ELK3: variants seen among roughly 807,000 people sequenced by gnomAD.
The protein encoded by ELK3 is ETS transcription factor ELK3.
ELK3 carries 10 observed loss-of-function variants against 28.9 expected under a neutral mutation model. That is an observed-to-expected ratio of 0.35 (90% CI 0.21 to 0.59). ELK3 has a LOEUF of 0.59. ELK3 is among the 20% of genes least tolerant of loss of function. ELK3 has a pLI of 0.82. For synonymous variants in ELK3, 272 were observed against 243.5 expected (o/e 1.12, Z -1.09); for missense variants, 463 against 517.3 (o/e 0.90, Z 1.02).
chr12:96,235,486 GGAAACAAGCAT>G (rs1324816110), intron 2 of ELK3, among the ~76,000 whole-genome samples: 1 of 152,172 alleles, frequency 6.6e-6, no homozygotes, highest in African/African-American at 2.4e-5. Flanking sequence ...GGAATGAGTA[GGAAACAAGCAT>G]CCTTCTCCAT....
At chr12:96,210,565 G>A (rs7954136) in intron 1 of ELK3, among the ~76,000 whole-genome samples, 120,665 of 146,194 alleles carry the variant, frequency 0.83, 49,568 homozygotes, top group South Asian at 0.88. Context: ...GCGGGCGCAC[G>A]CACACACACA....
intron 3 of ELK3, among the ~76,000 whole-genome samples, chr12:96,257,485 G>A (rs1951959537): frequency 6.6e-6 from 1 of 152,200 alleles, no homozygotes; most frequent in South Asian, 2.1e-4. Flanking sequence ...TTAGACCAGA[G>A]AAATAGAAAT....
intron 1 of ELK3, among the ~76,000 whole-genome samples, chr12:96,211,150 C>CTGG (rs1951575665): frequency 6.6e-6 from 1 of 152,128 alleles, no homozygotes; most frequent in Non-Finnish European, 1.5e-5. Flanking sequence ...AGCACAATTC[C>CTGG]TGGTACATAG....
At chr12:96,244,447 ATTTTTT>A (rs34067649) in intron 2 of ELK3, among the ~76,000 whole-genome samples, 1 of 139,608 alleles carries the variant, frequency 7.2e-6, no homozygotes, top group African/African-American at 2.6e-5. Flanking sequence ...GAAAATTAGA[ATTTTTT>A]TTTTTTTTTT....
chr12:96,218,328 A>G (rs1325178744), intron 1 of ELK3, among the ~76,000 whole-genome samples: 2 of 152,252 alleles, frequency 1.3e-5, no homozygotes, highest in African/African-American at 4.8e-5. Flanking sequence ...TGCCTTTAAA[A>G]GCAGACTGAT....
rs113615333 is a variant in ELK3, at chr12:96,266,041, T to C, written c.1126-1041T>C. Among the ~76,000 whole-genome samples the C allele has an allele frequency of 4.3e-3, 661 of 152,360 alleles. 2 individuals are homozygous for C. Among genetic ancestry groups the C allele is most frequent in the Non-Finnish European group, 7.7e-3 (527 of 68,038 alleles). ...TGTGTGACCTTTAGCCAACAGAACTTATTTGAAATCTGTTTTCTCATCTGT... is the reference window on the plus strand; with the variant it reads ...TGTGTGACCTTTAGCCAACAGAACTCATTTGAAATCTGTTTTCTCATCTGT... On this transcript the variant is annotated intron_variant, in intron 4 of 4. Coordinates refer to ENST00000228741, the MANE Select transcript of ELK3 (RefSeq NM_005230.4).
chr12:96,202,355 AT>A (rs1054265545), intron 1 of ELK3, among the ~76,000 whole-genome samples: 4 of 151,940 alleles, frequency 2.6e-5, no homozygotes, highest in Non-Finnish European at 4.4e-5. Flanking sequence ...TACTGACAGA[AT>A]TTTCCCCCCG....
intron 1 of ELK3, among the ~76,000 whole-genome samples, chr12:96,213,394 A>G (rs966532622): frequency 6.6e-6 from 1 of 152,196 alleles, no homozygotes; most frequent in Non-Finnish European, 1.5e-5. Context: ...GCAGCCTTGG[A>G]TGGAAATAGG....
intron 3 of ELK3, among the ~76,000 whole-genome samples, chr12:96,250,141 C>T (rs1271585382): frequency 1.3e-5 from 2 of 152,180 alleles, no homozygotes; most frequent in Non-Finnish European, 2.9e-5. Flanking sequence ...AGGCAGTCCT[C>T]TAAACCACGC....
In ELK3 at chr12:96,268,008, C is replaced by CTTAT. The variant is rs1224088743; in HGVS notation, c.*831_*834dup. 6.6e-6 allele frequency: 1 copy of CTTAT among 152,152 alleles called. No individual in the cohort carries two copies. The highest frequency in any genetic ancestry group is 1.5e-5 in the Non-Finnish European group (1 of 68,016). 9.4% of individuals were successfully genotyped at this position (152,152 alleles called of 1,614,324 possible). On this transcript the variant is annotated 3_prime_UTR_variant, in exon 5 of 5. Coordinates refer to ENST00000228741, the MANE Select transcript of ELK3 (RefSeq NM_005230.4). ...AGAATATCTCCTAGGTTAGCATATT[C>CTTAT]TTATTTCAAAAAATTAGCCCTGGTT...
intron 1 of ELK3, among the ~76,000 whole-genome samples, chr12:96,214,288 G>T (rs543323828): frequency 2.0e-5 from 3 of 151,936 alleles, no homozygotes; most frequent in Non-Finnish European, 4.4e-5. Flanking sequence ...AAAATGAGCC[G>T]GAGGCAGTGG....
At chr12:96,232,198 G>A (rs1056528993) in intron 2 of ELK3, among the ~76,000 whole-genome samples, 12 of 152,174 alleles carry the variant, frequency 7.9e-5, no homozygotes, top group African/African-American at 2.7e-4. Context: ...GGCAAGATGT[G>A]GTTGGAAAAG....
chr12:96,204,169 GTTTT>G (rs3216593), intron 1 of ELK3, among the ~76,000 whole-genome samples: 2 of 148,516 alleles, frequency 1.3e-5, no homozygotes, highest in Non-Finnish European at 3.0e-5. Context: ...TCAATGTAAA[GTTTT>G]TTTTTTTATA....
chr12:96,203,356 T>C (rs1951518532), intron 1 of ELK3, among the ~76,000 whole-genome samples: 1 of 152,238 alleles, frequency 6.6e-6, no homozygotes, highest in South Asian at 2.1e-4. Context: ...TATTGGGGGA[T>C]GCCTGCACGT....
intron 1 of ELK3, among the ~76,000 whole-genome samples, chr12:96,205,035 A>G (rs1951531016): frequency 6.6e-6 from 1 of 152,336 alleles, no homozygotes; most frequent in South Asian, 2.1e-4. Flanking sequence ...GAATGGGACA[A>G]TAGGTGACTT....
chr12:96,247,184 T>C lies in ELK3; in HGVS notation c.452T>C (p.Leu151Pro). The change falls in exon 3 of 5, where the codon CTG becomes CCG. Residue 151 changes from leucine (L) to proline (P), a missense_variant. Physicochemically the swap from Leu to Pro is moderately conservative, Grantham distance 98. Coordinates refer to ENST00000228741, the MANE Select transcript of ELK3 (RefSeq NM_005230.4). This position sits in a 1 kb window ranked among gnomAD's most constrained non-coding sequence, Gnocchi z 5.5. The part of the protein sequence containing the change: ...GLYSSFTINS[L>P]QNPPDAFKAI... ...TACTCGTCCTTCACCATTAATTCCC[T>C]GCAGAACCCACCAGACGCCTTCAAG... 1 of 1,614,150 alleles carries C rather than the reference T, an allele frequency of 6.2e-7. No homozygotes were observed.
intron 4 of ELK3, among the ~76,000 whole-genome samples, chr12:96,263,014 C>A (rs765527396): frequency 6.6e-6 from 1 of 151,892 alleles, no homozygotes; most frequent in East Asian, 1.9e-4. Context: ...CTTTCATGTA[C>A]GCTATAGATG....
intron 2 of ELK3, among the ~76,000 whole-genome samples, chr12:96,246,020 A>C (rs1951852819): frequency 6.6e-6 from 1 of 152,220 alleles, no homozygotes. Flanking sequence ...CTTGGCAAAA[A>C]AAATAAAAAT....
intron 2 of ELK3, among the ~76,000 whole-genome samples, chr12:96,246,547 G>A (rs1312552905): frequency 1.3e-5 from 2 of 152,134 alleles, no homozygotes; most frequent in African/African-American, 4.8e-5. Flanking sequence ...TGTAGTCCCA[G>A]CCACTCAGGA....
Sources: allele counts gnomAD v4.1 joint callset (sites outside exome capture counted in the v4.1 genomes callset), GRCh38; gene constraint gnomAD v4.1.1; non-coding constraint Gnocchi (gnomAD v3.1); transcripts MANE v1.5; gene names NCBI Gene and HGNC (gene_info 2026-07-23, HGNC 2026-07-21).